Variants in LGSN observed in about 807,000 individuals in gnomAD.
LGSN encodes lengsin, lens protein with glutamine synthetase domain, also known as lengsin.
A neutral mutation model predicts 19.5 loss-of-function variants in LGSN; 21 were observed. The ratio of observed to expected loss-of-function variants is 1.07; its 90% CI spans 0.76 to 1.55. The LOEUF (loss-of-function observed/expected upper bound fraction) is 1.55. Ranked by LOEUF, LGSN falls within the 40% of genes most tolerant of loss-of-function variation. The probability of loss-of-function intolerance (pLI) is 0.00; values close to 1 mark genes in which losing one functional copy is unlikely to be tolerated. For synonymous variants in LGSN, 257 were observed against 215.6 expected (o/e 1.19, Z -1.68); for missense variants, 673 against 608.5 (o/e 1.11, Z -1.12).
the LGSN span, among the ~76,000 whole-genome samples, chr6:63,516,406 A>C: frequency 2.8e-4 from 43 of 152,352 alleles, no homozygotes; most frequent in African/African-American, 1.0e-3. Context: ...ATTTAGCAGA[A>C]GAGATGAATA....
chr6:63,431,677 G>A, the LGSN span, among the ~76,000 whole-genome samples: 2 of 94,394 alleles, frequency 2.1e-5, no homozygotes. Flanking sequence ...TAAGTGATTA[G>A]TTTTAACTAA....
the LGSN span, among the ~76,000 whole-genome samples, chr6:63,489,480 T>C: frequency 6.6e-6 from 1 of 152,176 alleles, no homozygotes; most frequent in East Asian, 1.9e-4. Flanking sequence ...GCAATTCTCA[T>C]GCCTCAGCCT....
At chr6:63,397,789 G>GCCTGTAATTACA in the LGSN span, among the ~76,000 whole-genome samples, 3 of 151,738 alleles carry the variant, frequency 2.0e-5, no homozygotes, top group African/African-American at 4.8e-5. Context: ...GTGGTGGCAC[G>GCCTGTAATTACA]CCTGTAATTA....
At chr6:63,520,149 C>T in the LGSN span, among the ~76,000 whole-genome samples, 2 of 152,184 alleles carry the variant, frequency 1.3e-5, no homozygotes, top group African/African-American at 2.4e-5. Context: ...TGCATTGATA[C>T]TTTTCTCTCC....
the LGSN span, among the ~76,000 whole-genome samples, chr6:63,418,406 C>CAA: frequency 1.1e-4 from 16 of 151,988 alleles, no homozygotes; most frequent in Non-Finnish European, 1.9e-4. Context: ...ACTAAAAATA[C>CAA]AAAAATTAGC....
At chr6:63,506,415 C>G in the LGSN span, among the ~76,000 whole-genome samples, 1 of 152,030 alleles carries the variant, frequency 6.6e-6, no homozygotes, top group East Asian at 1.9e-4. Context: ...AGGTGCCCAC[C>G]ACCACGCCCG....
At chr6:63,440,582 C>T in the LGSN span, among the ~76,000 whole-genome samples, 2 of 152,248 alleles carry the variant, frequency 1.3e-5, no homozygotes, top group East Asian at 3.9e-4. Context: ...GCTATGACTG[C>T]CTGTTTCTCC....
At chr6:63,454,793 C>CTTTTTTTTTTTTTTTTTTTTTTTT in the LGSN span, among the ~76,000 whole-genome samples, 3 of 91,742 alleles carry the variant, frequency 3.3e-5, no homozygotes, top group Non-Finnish European at 5.9e-5. Context: ...TTTTCTTTTT[C>CTTTTTTTTTTTTTTTTTTTTTTTT]TTTTTTTTTT....
the LGSN span, among the ~76,000 whole-genome samples, chr6:63,551,913 G>A: frequency 6.6e-6 from 1 of 152,020 alleles, no homozygotes; most frequent in African/African-American, 2.4e-5. Flanking sequence ...TGGTGTATAT[G>A]TGCCACATTT....
At chr6:63,398,083 G>A in the LGSN span, among the ~76,000 whole-genome samples, 2 of 151,374 alleles carry the variant, frequency 1.3e-5, no homozygotes, top group Admixed American at 6.6e-5. Flanking sequence ...TGCACTGCCA[G>A]TCATATAAAA....
At chr6:63,363,924 A>G in the LGSN span, among the ~76,000 whole-genome samples, 1 of 152,186 alleles carries the variant, frequency 6.6e-6, no homozygotes, top group African/African-American at 2.4e-5. Flanking sequence ...AATGAAGGAA[A>G]AAATGAAAAT....
the LGSN span, among the ~76,000 whole-genome samples, chr6:63,419,164 C>T: frequency 2.6e-5 from 4 of 152,126 alleles, no homozygotes; most frequent in Non-Finnish European, 5.9e-5. Context: ...TCCTTGAGTC[C>T]TGAGGTTCCT....
At chr6:63,295,446 T>C (rs1290958616) in intron 1 of LGSN, among the ~76,000 whole-genome samples, 1 of 152,196 alleles carries the variant, frequency 6.6e-6, no homozygotes, top group Non-Finnish European at 1.5e-5. Flanking sequence ...CCTTTTTGTC[T>C]GAAGGCATAA....
chr6:63,406,467 C>A, the LGSN span, among the ~76,000 whole-genome samples: 1 of 150,982 alleles, frequency 6.6e-6, no homozygotes, highest in Non-Finnish European at 1.5e-5. Flanking sequence ...TAAAGATGTT[C>A]TTTGAAACCA....
the LGSN span, among the ~76,000 whole-genome samples, chr6:63,564,911 G>A: frequency 6.6e-6 from 1 of 152,234 alleles, no homozygotes; most frequent in South Asian, 2.1e-4. Context: ...GTTATGGATA[G>A]ATTCATAATA....
chr6:63,549,603 T>C, the LGSN span: 1 of 560,650 alleles, frequency 1.8e-6, no homozygotes, highest in Non-Finnish European at 3.1e-6. Flanking sequence ...GTGATATATA[T>C]ACACAATGGA....
At chr6:63,418,650 A>G in the LGSN span, among the ~76,000 whole-genome samples, 8 of 152,216 alleles carry the variant, frequency 5.3e-5, no homozygotes, top group Non-Finnish European at 4.4e-5. Flanking sequence ...CTCAGGACTC[A>G]AGGGGAAATA....
intron 3 of LGSN, 75 bp from the exon 4 acceptor site, chr6:63,281,295 G>T: frequency 1.1e-5 from 4 of 364,294 alleles, no homozygotes; most frequent in East Asian, 6.9e-5. Flanking sequence ...GGAAAGCCTT[G>T]CTAATGAAAA....
chr6:63,292,138 C>T (rs1314437729), intron 2 of LGSN, among the ~76,000 whole-genome samples: 1 of 152,162 alleles, frequency 6.6e-6, no homozygotes, highest in Non-Finnish European at 1.5e-5. Context: ...TCTCAACAAT[C>T]TGAATGAACT....
Sources: gnomAD v4.1 joint callset for allele counts (sites outside exome capture counted in the v4.1 genomes callset) on GRCh38, gnomAD v4.1.1 for gene constraint, MANE v1.5 for transcripts, NCBI Gene and HGNC (gene_info 2026-07-23, HGNC 2026-07-21) for gene names.